The following ATAD3B variants were observed in gnomAD, a reference collection of about 807,000 sequenced individuals.
The protein encoded by ATAD3B is ATPase family AAA domain-containing protein 3B.
Under a neutral mutation model 70.2 loss-of-function variants are expected in ATAD3B, and 59 were observed. The observed-to-expected ratio is 0.84, with a 90% CI of 0.68 to 1.04. The LOEUF (loss-of-function observed/expected upper bound fraction) is 1.04, where lower values mean the gene tolerates loss of function less well. Among genes scored for constraint, ATAD3B ranks in the 50% least tolerant of loss-of-function variants. The probability of loss-of-function intolerance (pLI) is 0.00; values close to 1 mark genes in which losing one functional copy is unlikely to be tolerated. For missense variants in ATAD3B, 961 were observed against 913.4 expected (o/e 1.05, Z -0.67); for synonymous variants, 423 against 388.6 (o/e 1.09, Z -1.04).
In ATAD3B at chr1:1,473,652, C is replaced by T. The variant is rs185160748; in HGVS notation, c.205+1563C>T. On this transcript the variant is annotated intron_variant, in intron 1 of 15. Coordinates refer to ENST00000673477, the MANE Select transcript of ATAD3B (RefSeq NM_031921.6). Reference sequence around the variant, plus strand: ...CTGGGATTACAGGCACGCGCCACCACGCCCAGCTAATTTTTGTATTTTTAG... The same window carrying T: ...CTGGGATTACAGGCACGCGCCACCATGCCCAGCTAATTTTTGTATTTTTAG... Among the ~76,000 whole-genome samples, 137 of 150,958 alleles carry T rather than the reference C, an allele frequency of 9.1e-4. 4 individuals carry two copies. Among genetic ancestry groups the T allele is most frequent in the Admixed American group, 4.0e-3 (61 of 15,100 alleles).
Position 1,487,848 on chromosome 1 carries a change from C to T in ATAD3B, c.1215-15C>T. 6.2e-7 allele frequency: 1 copy of T among 1,612,716 alleles called. No homozygotes were observed. Among genetic ancestry groups the T allele is most frequent in the Non-Finnish European group, 8.5e-7 (1 of 1,179,260 alleles). On this transcript the variant is annotated splice_polypyrimidine_tract_variant and intron_variant, in intron 11 of 15. Transcript: ENST00000673477. The stretch of plus-strand genomic sequence containing the variant: ...GCGTCACTCTCGCCTTGCTTGGCCT[C>T]TCTCTCGTTCACAGCCTCCTGCTCT...
At position 1,479,789 on chromosome 1, in the gene ATAD3B, G is replaced by T. The variant is rs777873855; in HGVS notation, c.444+681G>T. Among the ~76,000 whole-genome samples, 2 of 128,088 alleles carry T rather than the reference G, an allele frequency of 1.6e-5. 1 individual carries two copies. The highest frequency in any genetic ancestry group is 6.4e-5 in the African/African-American group (2 of 31,486). The allele number at this position is 128,088 out of a possible 152,430, so 84.0% of individuals were successfully genotyped here. On this transcript the variant is annotated intron_variant, in intron 4 of 15. Transcript: ENST00000673477. Reference sequence around the variant, plus strand: ...CACATGGGGGCTTACACACCCCCCCGCACACGTGGGCCCGCTCACACAGCC... The same window carrying T: ...CACATGGGGGCTTACACACCCCCCCTCACACGTGGGCCCGCTCACACAGCC...
Position 1,485,277 on chromosome 1 carries a change from A to G in ATAD3B, c.906+106A>G, listed in dbSNP as rs1478035170. ...CCTCCCGTCCCTTCCCTTTCCCCGG[A>G]TAACAGGCACCCGCACGCTGCTTCA... On this transcript the variant is annotated intron_variant, in intron 8 of 15. Coordinates refer to ENST00000673477, the MANE Select transcript of ATAD3B (RefSeq NM_031921.6). 277 of 1,511,666 alleles carry G rather than the reference A, an allele frequency of 1.8e-4. 1 individual carries two copies. Among genetic ancestry groups the G allele is most frequent in the Non-Finnish European group, 7.9e-5 (89 of 1,123,450 alleles). 93.6% of individuals were successfully genotyped at this position (1,511,666 alleles called of 1,614,324 possible).
At chr1:1,487,638 CCT>C (rs955115047) in intron 11 of ATAD3B, among the ~76,000 whole-genome samples, 2 of 151,850 alleles carry the variant, frequency 1.3e-5, no homozygotes, top group South Asian at 2.1e-4. Context: ...TCTGTTGCCC[CCT>C]GTGTAGTTGG....
chr1:1,472,289 C>G (rs1312101123), intron 1 of ATAD3B, among the ~76,000 whole-genome samples, 200 bp downstream of exon 1: 4 of 152,026 alleles, frequency 2.6e-5, no homozygotes, highest in African/African-American at 4.8e-5. Context: ...ACCTCTGCAG[C>G]TGTCAGGAGC....
chr1:1,482,893 C>A (rs1430557003), intron 7 of ATAD3B, among the ~76,000 whole-genome samples: 1 of 151,782 alleles, frequency 6.6e-6, no homozygotes, highest in African/African-American at 2.4e-5. Flanking sequence ...TCCTGCTACT[C>A]GAGAGGCTGA....
chr1:1,494,334 G>A (rs1640673620), intron 15 of ATAD3B, among the ~76,000 whole-genome samples: 1 of 151,968 alleles, frequency 6.6e-6, no homozygotes, highest in Admixed American at 6.6e-5. Context: ...CCACTCGGGT[G>A]GACCCTGAGG....
rs1557800915 is a variant in ATAD3B, at chr1:1,482,224, C to T, written c.601C>T (p.Arg201Trp). 25 of 1,611,306 alleles carry T rather than the reference C, an allele frequency of 1.6e-5. 1 individual carries two copies. The highest frequency in any genetic ancestry group is 2.2e-5 in the East Asian group (1 of 44,860). The change falls in exon 6 of 16, where the codon CGG becomes TGG. Residue 201 changes from arginine (R) to tryptophan (W), a missense_variant. Transcript: ENST00000673477. ...GGCCCGGGCGCGCGCCAAGGCCGAG[C>T]GGGAGAATGCAGACATCATCCGCGA... Reference protein sequence around the residue: ...TEARARAKAERENADIIREQI... With the variant: ...TEARARAKAEWENADIIREQI...
intron 6 of ATAD3B, 68 bp from the exon 7 acceptor site, chr1:1,482,477 C>A (rs1362754157): frequency 6.2e-7 from 1 of 1,612,046 alleles, no homozygotes; most frequent in Non-Finnish European, 8.5e-7. Context: ...GCCTCACCCT[C>A]AACCTGCTCT....
chr1:1,485,025 C>T lies in ATAD3B; in HGVS notation c.760C>T (p.Leu254=). ...GGTGTCTCTGCTGCAGGTGGCTGGG[C>T]TGACGCTGCTGGCTGTCGGGGTCTA... is the stretch of plus-strand genomic sequence containing the variant. ...RDKVTATVAG[L]TLLAVGVYSA... The change falls in exon 8 of 16, where the codon CTG becomes TTG. Residue 254 remains leucine, a synonymous_variant. Transcript: ENST00000673477. The T allele has an allele frequency of 6.2e-7, 1 of 1,602,338 alleles. No individual in the cohort carries two copies. The highest frequency in any genetic ancestry group is 1.1e-5 in the South Asian group (1 of 89,618).
intron 11 of ATAD3B, among the ~76,000 whole-genome samples, chr1:1,487,241 A>C (rs1640268009): frequency 6.6e-6 from 1 of 151,898 alleles, no homozygotes; most frequent in Non-Finnish European, 1.5e-5. Flanking sequence ...CTGTAATCCC[A>C]GACTTTCGGA....
At chr1:1,489,354 C>T (rs570825453) in intron 13 of ATAD3B, 80 bp downstream of exon 13, 3 of 1,601,280 alleles carry the variant, frequency 1.9e-6, no homozygotes, top group South Asian at 2.2e-5. Flanking sequence ...GGGTCCCTGG[C>T]TCACAGTGCT....
the ATAD3B span, chr1:1,509,242 A>G: frequency 3.1e-6 from 5 of 1,612,984 alleles, no homozygotes; most frequent in Non-Finnish European, 4.2e-6. Context: ...GTCCTGACCG[A>G]GGCCATGATG....
In ATAD3B at chr1:1,474,864, G is replaced by A. The variant is rs577526706; in HGVS notation, c.206-2410G>A. Among the ~76,000 whole-genome samples, 12 of 151,462 alleles carry A rather than the reference G, an allele frequency of 7.9e-5. No individual in the cohort carries two copies. In the East Asian group the frequency reaches 1.9e-3, roughly 24 times the overall value. On this transcript the variant is annotated intron_variant, in intron 1 of 15. Coordinates refer to ENST00000673477, the MANE Select transcript of ATAD3B (RefSeq NM_031921.6). ...CAAGGGCTGGACTTCAGGGCACCTC[G>A]GAGGACAGCGGATGTTGGTGACTGA...
chr1:1,481,081 G>A lies in ATAD3B; in HGVS notation c.514+145G>A. The A allele has an allele frequency of 1.4e-6, 2 of 1,460,028 alleles. 1 individual carries two copies. The highest frequency in any genetic ancestry group is 1.8e-6 in the Non-Finnish European group (2 of 1,106,860). 90.4% of individuals were successfully genotyped at this position (1,460,028 alleles called of 1,614,324 possible). A position where few individuals can be genotyped will look rare whatever the true frequency, so the allele number is the denominator to read the frequency against. ...GGCCTGCTGGGGCTCTGCGGGGTGG[G>A]GCTCCCTCTCGGAAGACACCTCTGT... On this transcript the variant is annotated intron_variant, in intron 5 of 15. Transcript: ENST00000673477.
rs538942818 is a variant in ATAD3B at position 1,482,109 on chromosome 1, T to C, written c.515-29T>C. On this transcript the variant is annotated intron_variant, in intron 5 of 15. Coordinates refer to ENST00000673477, the MANE Select transcript of ATAD3B (RefSeq NM_031921.6). ...GAGGTGGACGTGCTGCACTGCATGG[T>C]GCTGAGCTGCCCTGCCTCTCTGGGG... 19 of 1,597,612 alleles carry C rather than the reference T, an allele frequency of 1.2e-5. No homozygotes were observed. The East Asian group carries it at 4.1e-4, about 34-fold the overall frequency.
intron 8 of ATAD3B, 48 bp from the exon 9 acceptor site, chr1:1,485,734 G>T (rs372587236): frequency 3.1e-6 from 5 of 1,610,104 alleles, no homozygotes; most frequent in Non-Finnish European, 4.2e-6. Flanking sequence ...TGGCTGTTCC[G>T]TGGCTGTGGC....
At chr1:1,488,001 CTGGCT>C in intron 12 of ATAD3B, 87 bp downstream of exon 12, 1 of 1,569,200 alleles carries the variant, frequency 6.4e-7, no homozygotes, top group Non-Finnish European at 8.8e-7. Context: ...AGCCCTTAAG[CTGGCT>C]TGCAGTGGCG....
chr1:1,478,597 G>A (rs1309825794), intron 2 of ATAD3B, 47 bp from the exon 3 acceptor site: 5 of 1,549,682 alleles, frequency 3.2e-6, no homozygotes, highest in African/African-American at 2.7e-5. Context: ...CTGTCAGGCA[G>A]TGCCAGCCCT....
Sources: allele counts gnomAD v4.1 joint callset (sites outside exome capture counted in the v4.1 genomes callset), GRCh38; gene constraint gnomAD v4.1.1; transcripts MANE v1.5; gene names NCBI Gene and HGNC (gene_info 2026-07-23, HGNC 2026-07-21).